MROH2B: variants seen among roughly 807,000 people sequenced by gnomAD.
The protein encoded by MROH2B is maestro heat like repeat family member 2B.
MROH2B carries 177 observed loss-of-function variants against 208.6 expected under a neutral mutation model. The ratio of observed to expected loss-of-function variants is 0.85; its 90% CI spans 0.75 to 0.96. The LOEUF (loss-of-function observed/expected upper bound fraction) is 0.96. Among genes scored for constraint, MROH2B ranks in the 40% least tolerant of loss-of-function variants. MROH2B has a pLI of 0.00. For synonymous variants in MROH2B, 728 were observed against 659.0 expected (o/e 1.10, Z -1.60); for missense variants, 2,002 against 1,878.7 (o/e 1.07, Z -1.21).
chr5:41,010,117 A>G, intron 30 of MROH2B, 38 bp from the exon 31 acceptor site: 3 of 1,603,256 alleles, frequency 1.9e-6, no homozygotes, highest in Admixed American at 1.7e-5. Flanking sequence ...TTAAGTTGCC[A>G]TTTTCCCTCT....
intron 24 of MROH2B, among the ~76,000 whole-genome samples, chr5:41,027,630 C>CG (rs1483164489): frequency 6.6e-6 from 1 of 152,126 alleles, no homozygotes; most frequent in Non-Finnish European, 1.5e-5. Context: ...GACAGTGTGG[C>CG]GATTCCTCAA....
At chr5:41,008,937 C>A in intron 32 of MROH2B, 144 bp from the exon 33 acceptor site, 1 of 844,532 alleles carries the variant, frequency 1.2e-6, no homozygotes. Flanking sequence ...TTTCTCAACT[C>A]AGGGCCTGCC....
chr5:41,017,985 AG>A lies in MROH2B; in HGVS notation c.2764-16del. ...TTCTCTGGTGCCTGCAGGATAAAGG[AG>A]GCATCCTATTGTGATGGGGTAGCTT... On this transcript the variant is annotated splice_polypyrimidine_tract_variant and intron_variant, in intron 27 of 41. Transcript: ENST00000399564. 6.4e-7 allele frequency: 1 copy of A among 1,568,492 alleles called. No individual in the cohort carries two copies. The highest frequency in any genetic ancestry group is 1.9e-5 in the Admixed American group (1 of 52,848).
At chr5:41,041,585 C>T (rs553635769) in intron 19 of MROH2B, among the ~76,000 whole-genome samples, 235 of 152,298 alleles carry the variant, frequency 1.5e-3, no homozygotes, top group African/African-American at 5.4e-3. Context: ...GATCGTGTCA[C>T]TGCACTCCAC....
At chr5:41,012,128 T>C (rs534325505) in intron 30 of MROH2B, among the ~76,000 whole-genome samples, 1 of 152,352 alleles carries the variant, frequency 6.6e-6, no homozygotes, top group African/African-American at 2.4e-5. Flanking sequence ...AATTGAGGAC[T>C]TTCCCCAATC....
intron 11 of MROH2B, among the ~76,000 whole-genome samples, chr5:41,053,018 C>T (rs2150177257): frequency 6.6e-6 from 1 of 152,246 alleles, no homozygotes; most frequent in Non-Finnish European, 1.5e-5. Flanking sequence ...GAAAGAGTCA[C>T]CAGAAATGCT....
At position 41,042,218 on chromosome 5, in the gene MROH2B, A is replaced by G. The variant is rs1195700505; in HGVS notation, c.1837-10T>C. ...CTTTCCAAAGGAATTTCTGGAAAACAAAAGATAAGCAACAGGATTTTAAGG... is the reference window on the plus strand; with the variant it reads ...CTTTCCAAAGGAATTTCTGGAAAACGAAAGATAAGCAACAGGATTTTAAGG... On this transcript the variant is annotated splice_polypyrimidine_tract_variant and intron_variant, in intron 18 of 41. Transcript: ENST00000399564. The G allele has an allele frequency of 2.7e-6, 4 of 1,487,776 alleles. No homozygotes were observed. The Admixed American group carries it at 7.7e-5, about 29-fold the overall frequency. The allele number at this position is 1,487,776 out of a possible 1,614,324, so 92.2% of individuals were successfully genotyped here. A position where few individuals can be genotyped will look rare whatever the true frequency, so the allele number is the denominator to read the frequency against.
At chr5:41,021,649 G>T (rs988753273) in intron 24 of MROH2B, among the ~76,000 whole-genome samples, 1 of 152,120 alleles carries the variant, frequency 6.6e-6, no homozygotes, top group African/African-American at 2.4e-5. Context: ...AGGCTGAGGT[G>T]GGCTGAGAGC....
chr5:41,027,447 A>G (rs1363452253), intron 24 of MROH2B, among the ~76,000 whole-genome samples: 1 of 152,218 alleles, frequency 6.6e-6, no homozygotes, highest in South Asian at 2.1e-4. Context: ...AATGCTCATC[A>G]TCACTGGCCA....
At chr5:41,067,557 G>C (rs1439849738) in intron 2 of MROH2B, among the ~76,000 whole-genome samples, 1 of 152,000 alleles carries the variant, frequency 6.6e-6, no homozygotes, top group Non-Finnish European at 1.5e-5. Flanking sequence ...AGTAGAGACG[G>C]GGTTTTTGCC....
At position 41,000,362 on chromosome 5, in the gene MROH2B, G is replaced by C; in HGVS notation, c.4351-11C>G. 1 of 1,612,960 alleles carries C rather than the reference G, an allele frequency of 6.2e-7. No individual in the cohort carries two copies. The highest frequency in any genetic ancestry group is 2.2e-5 in the East Asian group (1 of 44,846). ...GACATCACGGCAAGCCTGGAAAACA[G>C]AGTTTTCTGCATCACAGTCCAGAAC... On this transcript the variant is annotated splice_polypyrimidine_tract_variant and intron_variant, in intron 38 of 41. Coordinates refer to ENST00000399564, the MANE Select transcript of MROH2B (RefSeq NM_173489.5).
Position 41,033,818 on chromosome 5 carries a change from TATCTATCTATC to T in MROH2B, c.2241+9_2241+19del, listed in dbSNP as rs774529874. 7.4e-5 allele frequency: 78 copies of T among 1,055,162 alleles called. 1 individual carries two copies. The highest frequency in any genetic ancestry group is 1.7e-4 in the South Asian group (10 of 57,616). The allele number at this position is 1,055,162 out of a possible 1,614,324, so 65.4% of individuals were successfully genotyped here. On this transcript the variant is annotated intron_variant, in intron 22 of 41. Transcript: ENST00000399564. ...CTATCTATCTATCTATCTATCTATC[TATCTATCTATC>T]TCTCCTACCTTGTTCATCACAGACA... is the stretch of plus-strand genomic sequence containing the variant.
At chr5:41,003,230 G>A (rs188294666) in intron 37 of MROH2B, among the ~76,000 whole-genome samples, 102 of 152,228 alleles carry the variant, frequency 6.7e-4, no homozygotes, top group Middle Eastern at 3.4e-3. Context: ...CAAAGTGCTG[G>A]GATTACAGGC....
At chr5:41,034,884 A>C (rs1320241927) in intron 21 of MROH2B, among the ~76,000 whole-genome samples, 2 of 152,222 alleles carry the variant, frequency 1.3e-5, no homozygotes, top group African/African-American at 4.8e-5. Context: ...CTAGGGATAC[A>C]GTTAACTAAG....
At chr5:41,007,908 C>T (rs1741646751) in intron 33 of MROH2B, among the ~76,000 whole-genome samples, 1 of 152,086 alleles carries the variant, frequency 6.6e-6, no homozygotes, top group Non-Finnish European at 1.5e-5. Context: ...TAAAGTTACA[C>T]GTATTATTGG....
chr5:41,024,811 A>G (rs1219107370), intron 24 of MROH2B, among the ~76,000 whole-genome samples: 1 of 152,226 alleles, frequency 6.6e-6, no homozygotes, highest in Non-Finnish European at 1.5e-5. Context: ...CAAATGTAAA[A>G]GAACAGAAAT....
chr5:41,005,352 C>T (rs1339932425), intron 35 of MROH2B, 179 bp downstream of exon 35: 38 of 567,862 alleles, frequency 6.7e-5, no homozygotes, highest in Admixed American at 2.7e-4. Context: ...GGTTTATTTT[C>T]CTCTCTCACC....
intron 21 of MROH2B, among the ~76,000 whole-genome samples, chr5:41,037,948 T>C (rs1016378393): frequency 2.6e-5 from 4 of 152,148 alleles, no homozygotes; most frequent in African/African-American, 9.7e-5. Context: ...TTATTAAAGA[T>C]ACAAACAAAA....
intron 11 of MROH2B, among the ~76,000 whole-genome samples, chr5:41,053,226 T>G (rs930933112): frequency 1.3e-5 from 2 of 152,200 alleles, no homozygotes; most frequent in Non-Finnish European, 2.9e-5. Context: ...TTAAATTTAG[T>G]GCCAACTCAT....
Sources: gnomAD v4.1 joint callset for allele counts (sites outside exome capture counted in the v4.1 genomes callset) on GRCh38, gnomAD v4.1.1 for gene constraint, MANE v1.5 for transcripts, NCBI Gene and HGNC (gene_info 2026-07-23, HGNC 2026-07-21) for gene names.